The following NTM variants were observed in gnomAD, a reference collection of about 807,000 sequenced individuals.
NTM encodes IgLON family member 2.
Under a neutral mutation model 42.1 loss-of-function variants are expected in NTM, and 13 were observed. The ratio of observed to expected loss-of-function variants is 0.31; its 90% CI spans 0.20 to 0.49. The LOEUF is 0.49. Among genes scored for constraint, NTM ranks in the 20% least tolerant of loss-of-function variants. NTM has a pLI of 0.99. For missense variants in NTM, 373 were observed against 452.8 expected (o/e 0.82, Z 1.60); for synonymous variants, 187 against 179.2 (o/e 1.04, Z -0.35).
At chr11:131,564,495 C>T (rs992042785) in intron 1 of NTM, among the ~76,000 whole-genome samples, 18 of 151,602 alleles carry the variant, frequency 1.2e-4, no homozygotes, top group Admixed American at 2.6e-4. Flanking sequence ...AGTGTCTCTT[C>T]TTTTTCAATT....
chr11:131,630,739 C>T (rs746572564), intron 1 of NTM, among the ~76,000 whole-genome samples: 2 of 152,192 alleles, frequency 1.3e-5, no homozygotes, highest in Non-Finnish European at 2.9e-5. Context: ...TCACCGCCTG[C>T]ACTGGGATCT....
intron 1 of NTM, among the ~76,000 whole-genome samples, chr11:131,711,958 A>G (rs1187419067): frequency 5.5e-5 from 7 of 126,832 alleles, no homozygotes; most frequent in African/African-American, 2.1e-4. Flanking sequence ...CAGGAAGGGG[A>G]ACATCACACT....
At chr11:132,190,597 C>A (rs578055486) in intron 3 of NTM, among the ~76,000 whole-genome samples, 3 of 151,840 alleles carry the variant, frequency 2.0e-5, no homozygotes, top group Non-Finnish European at 4.4e-5. Flanking sequence ...ATTAGCTGGC[C>A]GCGGTGGCAG....
intron 1 of NTM, among the ~76,000 whole-genome samples, chr11:131,449,769 G>A (rs1950343991): frequency 1.3e-5 from 2 of 152,192 alleles, no homozygotes. Flanking sequence ...GACTGGAGAG[G>A]CCTTGGAAGC....
intron 1 of NTM, among the ~76,000 whole-genome samples, chr11:131,766,367 C>T (rs1441586814): frequency 6.6e-6 from 1 of 152,154 alleles, no homozygotes; most frequent in Non-Finnish European, 1.5e-5. Flanking sequence ...GCTGAGAGTG[C>T]AGCAGGACTA....
intron 1 of NTM, among the ~76,000 whole-genome samples, chr11:131,469,248 G>A (rs986262012): frequency 2.6e-5 from 4 of 152,192 alleles, no homozygotes; most frequent in African/African-American, 4.8e-5. Context: ...GCAGCACAAT[G>A]TAACTACAAT....
rs145068832 is a variant in NTM, at chr11:132,193,804, A to G, written c.401-18218A>G. On this transcript the variant is annotated intron_variant, in intron 3 of 8. Coordinates refer to ENST00000683400, the MANE Select transcript of NTM (RefSeq NM_001352005.2). ...GTGACATTACAACCAACCCCATAGA[A>G]ATACAAAAACTACTCAGAGACTATT... Among the ~76,000 whole-genome samples the G allele has an allele frequency of 6.1e-3, 932 of 152,252 alleles. 9 individuals are homozygous for G. The highest frequency in any genetic ancestry group is 0.02 in the African/African-American group (849 of 41,574).
chr11:132,125,378 G>T (rs965063365), intron 2 of NTM, among the ~76,000 whole-genome samples: 2 of 140,380 alleles, frequency 1.4e-5, no homozygotes, highest in African/African-American at 5.3e-5. Flanking sequence ...ATGTGTGTGT[G>T]GTGGTGTATG....
At chr11:132,294,236 A>T (rs1240526992) in intron 4 of NTM, among the ~76,000 whole-genome samples, 1 of 152,030 alleles carries the variant, frequency 6.6e-6, no homozygotes, top group Non-Finnish European at 1.5e-5. Context: ...TCTCTGTTTG[A>T]CGTGCAATTT....
At chr11:131,398,495 A>G (rs897479349) in intron 1 of NTM, among the ~76,000 whole-genome samples, 1 of 152,292 alleles carries the variant, frequency 6.6e-6, no homozygotes, top group Non-Finnish European at 1.5e-5. Flanking sequence ...TTAAGAATAG[A>G]TCAGAAACAA....
intron 1 of NTM, chr11:131,910,094 C>T (rs187588627): frequency 6.6e-6 from 1 of 152,272 alleles, no homozygotes; most frequent in Admixed American, 6.5e-5. Flanking sequence ...TGGCAGATCT[C>T]TAGAATGGTA....
At chr11:131,371,115 G>A in intron 1 of NTM, 1 of 985,182 alleles carries the variant, frequency 1.0e-6, no homozygotes, top group Non-Finnish European at 1.2e-6. Flanking sequence ...TAAGTAAAAT[G>A]TGTTTGGTGC....
chr11:131,801,511 C>T (rs752960521), intron 1 of NTM, among the ~76,000 whole-genome samples: 23 of 152,300 alleles, frequency 1.5e-4, no homozygotes, highest in South Asian at 1.0e-3. Context: ...GTGGCAGTTT[C>T]GCCATAGCAC....
At chr11:131,871,662 C>T (rs1190847102) in intron 1 of NTM, among the ~76,000 whole-genome samples, 3 of 152,144 alleles carry the variant, frequency 2.0e-5, no homozygotes, top group South Asian at 2.1e-4. Context: ...CCCTGTTAAT[C>T]CAAGGAGATG....
chr11:132,287,922 T>C (rs995925407), intron 4 of NTM, among the ~76,000 whole-genome samples: 9 of 152,218 alleles, frequency 5.9e-5, no homozygotes, highest in African/African-American at 2.2e-4. Context: ...TTGAAGAATA[T>C]GGAAGAATAA....
chr11:131,739,295 CAG>C (rs1198054331), intron 1 of NTM, among the ~76,000 whole-genome samples: 4 of 151,728 alleles, frequency 2.6e-5, no homozygotes, highest in African/African-American at 9.7e-5. Context: ...GGTTTTGGAA[CAG>C]AGCATTTTAA....
intron 4 of NTM, among the ~76,000 whole-genome samples, chr11:132,213,189 G>A (rs973528489): frequency 6.6e-6 from 1 of 152,124 alleles, no homozygotes; most frequent in Non-Finnish European, 1.5e-5. Context: ...GATGGATGAA[G>A]GTGTGTGATT....
intron 3 of NTM, among the ~76,000 whole-genome samples, chr11:132,204,568 G>A (rs1054425225): frequency 2.6e-5 from 4 of 152,186 alleles, no homozygotes; most frequent in Non-Finnish European, 5.9e-5. Flanking sequence ...CAGAACCAAT[G>A]TGAGTAGCAG....
intron 3 of NTM, among the ~76,000 whole-genome samples, chr11:132,170,815 A>T (rs2076010214): frequency 6.6e-6 from 1 of 152,180 alleles, no homozygotes; most frequent in Admixed American, 6.5e-5. Flanking sequence ...CTAAACGCTT[A>T]TTCTGTGTCA....
Sources: gnomAD v4.1 joint callset for allele counts (sites outside exome capture counted in the v4.1 genomes callset) on GRCh38, gnomAD v4.1.1 for gene constraint, MANE v1.5 for transcripts, NCBI Gene and HGNC (gene_info 2026-07-23, HGNC 2026-07-21) for gene names.